Variants in PTPRD observed in about 807,000 individuals in gnomAD.
The protein encoded by PTPRD is receptor-type tyrosine-protein phosphatase delta.
PTPRD carries 34 observed loss-of-function variants against 214.5 expected under a neutral mutation model. The ratio of observed to expected loss-of-function variants is 0.16; its 90% CI spans 0.12 to 0.21. The LOEUF is 0.21. Ranked by LOEUF, PTPRD falls within the 10% of genes least tolerant of loss-of-function variation. The pLI is 1.00. For missense variants in PTPRD, 2,545 were observed against 2,398.7 expected, an observed-to-expected ratio of 1.06 and a Z score of -1.27; for synonymous variants, 1,128 against 845.7, an observed-to-expected ratio of 1.33 and a Z score of -5.79.
intron 7 of PTPRD, among the ~76,000 whole-genome samples, chr9:9,688,668 T>C (rs1466448442): frequency 6.6e-6 from 1 of 151,928 alleles, no homozygotes; most frequent in Non-Finnish European, 1.5e-5. Flanking sequence ...GTGAGGCCAC[T>C]AGTCCATTAT....
chr9:10,246,384 C>A (rs985389471), intron 3 of PTPRD, among the ~76,000 whole-genome samples: 40 of 152,226 alleles, frequency 2.6e-4, no homozygotes, highest in Middle Eastern at 3.4e-3. Context: ...GGTGGGATTA[C>A]AGGTGCCCAC....
chr9:9,029,885 G>A (rs1245769348), intron 10 of PTPRD, among the ~76,000 whole-genome samples: 4 of 151,954 alleles, frequency 2.6e-5, no homozygotes, highest in African/African-American at 4.8e-5. Flanking sequence ...GACATTTGAT[G>A]ACCACCTTGG....
chr9:10,405,788 C>T (rs955854834), intron 2 of PTPRD, among the ~76,000 whole-genome samples: 1 of 151,102 alleles, frequency 6.6e-6, no homozygotes, highest in Non-Finnish European at 1.5e-5. Context: ...TTGGTGAAGC[C>T]TAATTACATC....
chr9:9,899,707 C>T (rs1363951668), intron 5 of PTPRD, among the ~76,000 whole-genome samples: 1 of 151,044 alleles, frequency 6.6e-6, no homozygotes, highest in Non-Finnish European at 1.5e-5. Context: ...GATATACCTC[C>T]AAAGGAAAAA....
chr9:10,232,666 C>T (rs973134571), intron 3 of PTPRD, among the ~76,000 whole-genome samples: 9 of 151,996 alleles, frequency 5.9e-5, no homozygotes, highest in Admixed American at 2.0e-4. Context: ...ATTCCTTCTG[C>T]TTCCCCTCCT....
At chr9:10,379,220 ATT>A (rs1366144465) in intron 2 of PTPRD, among the ~76,000 whole-genome samples, 1 of 151,272 alleles carries the variant, frequency 6.6e-6, no homozygotes, top group Non-Finnish European at 1.5e-5. Flanking sequence ...AATTTAAAGG[ATT>A]TGTTTGTTAG....
intron 5 of PTPRD, among the ~76,000 whole-genome samples, chr9:9,842,885 T>C (rs1050620298): frequency 6.6e-6 from 1 of 152,086 alleles, no homozygotes; most frequent in Admixed American, 6.6e-5. Context: ...GTAGTACTTG[T>C]GATATTCTAT....
chr9:8,981,021 A>C (rs932769789), intron 11 of PTPRD, among the ~76,000 whole-genome samples: 2 of 152,078 alleles, frequency 1.3e-5, no homozygotes, highest in African/African-American at 4.8e-5. Context: ...AGCTCCCCAT[A>C]ATCTTTGAGC....
intron 4 of PTPRD, among the ~76,000 whole-genome samples, chr9:9,954,899 G>A (rs1043015827): frequency 6.6e-6 from 1 of 151,974 alleles, no homozygotes; most frequent in African/African-American, 2.4e-5. Context: ...TATTCAAAAC[G>A]AGATTCACGA....
chr9:9,799,903 G>C (rs561342245), intron 5 of PTPRD, among the ~76,000 whole-genome samples: 1 of 152,034 alleles, frequency 6.6e-6, no homozygotes, highest in Admixed American at 6.6e-5. Flanking sequence ...AAAAGAAAAA[G>C]ACTTAGAAAC....
At chr9:8,939,156 A>C (rs1037871282) in intron 11 of PTPRD, among the ~76,000 whole-genome samples, 1 of 152,192 alleles carries the variant, frequency 6.6e-6, no homozygotes, top group Non-Finnish European at 1.5e-5. Flanking sequence ...CATATTATTC[A>C]TGCTGATAAT....
intron 3 of PTPRD, among the ~76,000 whole-genome samples, chr9:10,159,478 A>G (rs1175294006): frequency 1.3e-5 from 2 of 152,150 alleles, no homozygotes; most frequent in African/African-American, 4.8e-5. Context: ...AAAAAATAAC[A>G]GCAAATAGAA....
intron 9 of PTPRD, among the ~76,000 whole-genome samples, chr9:9,306,581 A>G (rs1957221308): frequency 6.6e-6 from 1 of 151,834 alleles, no homozygotes; most frequent in African/African-American, 2.4e-5. Flanking sequence ...AAAAAAAAAA[A>G]AAAAAAAATC....
chr9:9,080,458 T>A, intron 10 of PTPRD, among the ~76,000 whole-genome samples: 1 of 152,122 alleles, frequency 6.6e-6, no homozygotes, highest in South Asian at 2.1e-4. Flanking sequence ...TTTACTTGAA[T>A]AGACCCTTTA....
At chr9:10,592,703 A>G (rs940869029) in intron 2 of PTPRD, among the ~76,000 whole-genome samples, 47 of 152,050 alleles carry the variant, frequency 3.1e-4, no homozygotes, top group African/African-American at 1.1e-3. Flanking sequence ...GCTCTGTAAA[A>G]ACGCACCAAT....
intron 7 of PTPRD, among the ~76,000 whole-genome samples, chr9:9,716,268 G>A (rs551978280): frequency 4.6e-5 from 7 of 152,034 alleles, no homozygotes; most frequent in Admixed American, 1.3e-4. Context: ...GGACATTTGG[G>A]TTGGTTTCAA....
At chr9:8,673,883 T>G (rs2097342884) in intron 12 of PTPRD, among the ~76,000 whole-genome samples, 1 of 152,070 alleles carries the variant, frequency 6.6e-6, no homozygotes, top group Non-Finnish European at 1.5e-5. Flanking sequence ...TGCAGGATGT[T>G]CAGCAGCACC....
At chr9:9,626,069 CA>C (rs1467543221) in intron 7 of PTPRD, among the ~76,000 whole-genome samples, 5 of 152,162 alleles carry the variant, frequency 3.3e-5, no homozygotes, top group Admixed American at 2.0e-4. Context: ...CTTGCAAAAA[CA>C]GGCAAAGAAC....
At chr9:10,555,104 C>T (rs1351547157) in intron 2 of PTPRD, among the ~76,000 whole-genome samples, 1 of 151,982 alleles carries the variant, frequency 6.6e-6, no homozygotes. Flanking sequence ...TGTAAAAGAT[C>T]AGTTAAAAAC....
Sources: gnomAD v4.1 joint callset for allele counts (sites outside exome capture counted in the v4.1 genomes callset) on GRCh38, gnomAD v4.1.1 for gene constraint, MANE v1.5 for transcripts, NCBI Gene and HGNC (gene_info 2026-07-23, HGNC 2026-07-21) for gene names.